The following C13orf46 variants were observed in gnomAD, a reference collection of about 807,000 sequenced individuals.
The protein encoded by C13orf46 is uncharacterized protein C13orf46.
chr13:113,962,495 C>A (rs36174859), intron 6 of C13orf46, among the ~76,000 whole-genome samples: 1 of 152,114 alleles, frequency 6.6e-6, no homozygotes, highest in African/African-American at 2.4e-5. Context: ...ATTACAGCCA[C>A]GGCTGAGGAC....
chr13:113,934,162 C>T, the C13orf46 span, among the ~76,000 whole-genome samples: 1 of 152,180 alleles, frequency 6.6e-6, no homozygotes, highest in Admixed American at 6.5e-5. Flanking sequence ...GGAGTTTTCT[C>T]CCAGAGTCTG....
chr13:113,947,236 C>T, the C13orf46 span, among the ~76,000 whole-genome samples: 1 of 152,172 alleles, frequency 6.6e-6, no homozygotes, highest in African/African-American at 2.4e-5. Flanking sequence ...CACCGTGGCT[C>T]CAGGACAAGC....
chr13:113,948,046 G>A, the C13orf46 span, among the ~76,000 whole-genome samples: 2 of 152,264 alleles, frequency 1.3e-5, no homozygotes, highest in Admixed American at 6.5e-5. Context: ...AAAAGCCCAC[G>A]TCCTGCCACA....
the C13orf46 span, among the ~76,000 whole-genome samples, chr13:113,930,371 C>T: frequency 2.0e-5 from 2 of 98,440 alleles, no homozygotes; most frequent in Admixed American, 9.4e-5. Flanking sequence ...GGCGCAGGAG[C>T]ACCGAGGCGG....
chr13:113,935,569 C>T, the C13orf46 span, among the ~76,000 whole-genome samples: 290 of 152,348 alleles, frequency 1.9e-3, no homozygotes, highest in African/African-American at 6.9e-3. Flanking sequence ...AACATTCTTC[C>T]TCTTTAATGA....
At chr13:113,950,330 A>G (rs1453538013), downstream of C13orf46, among the ~76,000 whole-genome samples, 6,081 of 98,006 alleles carry the variant, frequency 0.062, 231 homozygotes, top group Non-Finnish European at 0.089. Flanking sequence ...CAATGCACCC[A>G]TCTGTAGAGT....
the C13orf46 span, among the ~76,000 whole-genome samples, chr13:113,938,993 G>A: frequency 1.3e-5 from 2 of 151,796 alleles, no homozygotes; most frequent in South Asian, 2.1e-4. Flanking sequence ...CCAGGCCCAC[G>A]TTTCCTCAGC....
chr13:113,952,877 G>GGGCGGGGC (rs1330606071), downstream of C13orf46, among the ~76,000 whole-genome samples: 3 of 152,250 alleles, frequency 2.0e-5, no homozygotes, highest in Non-Finnish European at 2.9e-5. Flanking sequence ...CGCTCATGCT[G>GGGCGGGGC]GGCGGGGCGG....
chr13:113,931,057 G>A, the C13orf46 span, among the ~76,000 whole-genome samples: 1 of 152,208 alleles, frequency 6.6e-6, no homozygotes, highest in Non-Finnish European at 1.5e-5. Context: ...GTTCACGTGT[G>A]TATTTGCCCC....
At chr13:113,966,052 CTGGTGATGGGAATGATGG>C (rs2052640695) in intron 5 of C13orf46, among the ~76,000 whole-genome samples, 1 of 139,576 alleles carries the variant, frequency 7.2e-6, no homozygotes, top group South Asian at 2.4e-4. Context: ...GATGATGATG[CTGGTGATGGGAATGATGG>C]TGGTGATGTG....
At chr13:113,942,168 C>T in the C13orf46 span, among the ~76,000 whole-genome samples, 1 of 152,226 alleles carries the variant, frequency 6.6e-6, no homozygotes, top group African/African-American at 2.4e-5. Flanking sequence ...GGTCACTGAC[C>T]TACACTTTTC....
the C13orf46 span, among the ~76,000 whole-genome samples, chr13:113,930,412 G>A: frequency 8.0e-6 from 1 of 124,758 alleles, no homozygotes; most frequent in South Asian, 2.2e-4. Flanking sequence ...GGGGGCGCAG[G>A]AGCACCGAGG....
chr13:113,961,640 C>T (rs2052587652), intron 6 of C13orf46, among the ~76,000 whole-genome samples: 1 of 152,074 alleles, frequency 6.6e-6, no homozygotes, highest in African/African-American at 2.4e-5. Context: ...AATATGGGTA[C>T]AAAAAGGTGG....
At chr13:113,936,361 C>T in the C13orf46 span, among the ~76,000 whole-genome samples, 18 of 152,288 alleles carry the variant, frequency 1.2e-4, no homozygotes, top group East Asian at 7.7e-4. Flanking sequence ...GGGAGCTGAC[C>T]GGCTATGGGG....
At chr13:113,936,868 T>C in the C13orf46 span, among the ~76,000 whole-genome samples, 14 of 151,540 alleles carry the variant, frequency 9.2e-5, no homozygotes, top group Admixed American at 4.6e-4. Context: ...AGGCCAGTCT[T>C]AGGTTCCACC....
chr13:113,972,372 C>T (rs373671523), intron 1 of C13orf46, among the ~76,000 whole-genome samples: 1 of 152,220 alleles, frequency 6.6e-6, no homozygotes, highest in Non-Finnish European at 1.5e-5. Flanking sequence ...CATATTTTTA[C>T]ATCATTACCT....
At chr13:113,949,494 G>T (rs1318413707), downstream of C13orf46, among the ~76,000 whole-genome samples, 3 of 152,202 alleles carry the variant, frequency 2.0e-5, no homozygotes, top group Non-Finnish European at 2.9e-5. Context: ...CCCCAAAACA[G>T]GAAGGGCCTT....
rs1270178866 is a variant in C13orf46, at chr13:113,963,662, T to TACG, written c.572+1264_572+1265insCGT. Among the ~76,000 whole-genome samples the TACG allele has an allele frequency of 3.3e-3, 467 of 139,846 alleles. 9 individuals are homozygous for TACG. In the East Asian group the frequency reaches 0.036, roughly 11 times the overall value. The allele number at this position is 139,846 out of a possible 152,430, so 91.7% of individuals were successfully genotyped here. ...CCTCAGCCTCGCCCGTCCTCAGCCTTGCCCCTGTCCTCAGCCACGGCCCCT... is the reference window on the plus strand; with the variant it reads ...CCTCAGCCTCGCCCGTCCTCAGCCTTACGGCCCCTGTCCTCAGCCACGGCCCCT... On this transcript the variant is annotated intron_variant, in intron 6 of 6. Transcript: ENST00000636427.
chr13:113,970,430 A>C (rs941765707), intron 1 of C13orf46: 4,746 of 152,370 alleles, frequency 0.031, 236 homozygotes, highest in African/African-American at 0.1. Context: ...CAGGGCCTTG[A>C]GCCTGGCTCA....
Sources: gnomAD v4.1 joint callset for allele counts (sites outside exome capture counted in the v4.1 genomes callset) on GRCh38, gnomAD v4.1.1 for gene constraint, MANE v1.5 for transcripts, NCBI Gene and HGNC (gene_info 2026-07-23, HGNC 2026-07-21) for gene names.